The following RGL1 variants were observed in gnomAD, a reference collection of about 807,000 sequenced individuals.
RGL1 encodes the protein ral guanine nucleotide dissociation stimulator like 1.
A neutral mutation model predicts 95.2 loss-of-function variants in RGL1; 24 were observed. That is an observed-to-expected ratio of 0.25 (90% confidence interval 0.18 to 0.35). The LOEUF is 0.35. RGL1 is among the 10% of genes least tolerant of loss of function. The probability of loss-of-function intolerance (pLI) is 1.00; values close to 1 mark genes in which losing one functional copy is unlikely to be tolerated. For missense variants in RGL1, 715 were observed against 936.3 expected (o/e 0.76, Z 3.08); for synonymous variants, 329 against 344.9 (o/e 0.95, Z 0.51).
chr1:183,782,872 G>A (rs1659974231), intron 2 of RGL1, among the ~76,000 whole-genome samples: 1 of 152,084 alleles, frequency 6.6e-6, no homozygotes, highest in African/African-American at 2.4e-5. Flanking sequence ...AGACGTCCAT[G>A]TGTAGATCTC....
chr1:183,766,424 C>T (rs1658969727), intron 2 of RGL1, among the ~76,000 whole-genome samples: 3 of 151,858 alleles, frequency 2.0e-5, no homozygotes, highest in Admixed American at 1.3e-4. Context: ...TTGAGAGAAA[C>T]TCCAGTCAAT....
intron 9 of RGL1, among the ~76,000 whole-genome samples, chr1:183,896,597 C>T (rs1013061169): frequency 5.9e-5 from 9 of 152,072 alleles, no homozygotes; most frequent in Non-Finnish European, 8.8e-5. Context: ...TGGAAGGTCA[C>T]GTGCTATGGT....
chr1:183,705,002 G>T (rs533071546), intron 1 of RGL1, among the ~76,000 whole-genome samples: 1 of 152,180 alleles, frequency 6.6e-6, no homozygotes, highest in South Asian at 2.1e-4. Flanking sequence ...GGTGTAGAAG[G>T]AGAAAGGTTT....
At chr1:183,871,667 A>G (rs889120209) in intron 4 of RGL1, among the ~76,000 whole-genome samples, 3 of 152,256 alleles carry the variant, frequency 2.0e-5, no homozygotes, top group Non-Finnish European at 4.4e-5. Context: ...TTCAGAGGGT[A>G]AAAGAACTTT....
intron 1 of RGL1, among the ~76,000 whole-genome samples, chr1:183,669,937 C>T (rs1323450101): frequency 6.6e-6 from 1 of 152,138 alleles, no homozygotes; most frequent in Admixed American, 6.5e-5. Flanking sequence ...ATGGGGGTAA[C>T]CACCCCTATG....
intron 2 of RGL1, among the ~76,000 whole-genome samples, chr1:183,831,847 T>C (rs1228871670): frequency 6.6e-6 from 1 of 152,228 alleles, no homozygotes; most frequent in African/African-American, 2.4e-5. Flanking sequence ...GCGGGATACC[T>C]ATAATTAAAT....
chr1:183,762,737 A>G (rs1572382768), intron 2 of RGL1, among the ~76,000 whole-genome samples: 1 of 152,308 alleles, frequency 6.6e-6, no homozygotes, highest in East Asian at 1.9e-4. Flanking sequence ...AAGTCAAGAA[A>G]CAACAGATGC....
In RGL1 at chr1:183,884,044, A is replaced by C. The variant is rs113317252; in HGVS notation, c.735+134A>C. 7.0e-5 allele frequency: 62 copies of C among 887,448 alleles called. No individual in the cohort carries two copies. The Middle Eastern group carries it at 3.2e-3, about 46-fold the overall frequency. 55.0% of individuals were successfully genotyped at this position (887,448 alleles called of 1,614,324 possible). On this transcript the variant is annotated intron_variant, in intron 6 of 17. Coordinates refer to ENST00000360851, the MANE Select transcript of RGL1 (RefSeq NM_001297671.3). ...AATCCTTGAGACAGGCTGCGCCTGC[A>C]GATACAGAGTTAAGATGTGTCTTGA...
At position 183,882,100 on chromosome 1, in the gene RGL1, T is replaced by C. The variant is rs144049116; in HGVS notation, c.610+1300T>C. 7.1e-3 allele frequency among the ~76,000 whole-genome samples: 1,079 copies of C among 152,394 alleles called. 15 individuals are homozygous for C. Among genetic ancestry groups the C allele is most frequent in the African/African-American group, 0.022 (896 of 41,594 alleles). ...CCCATGTGCTTGTTTTACCCAATTT[T>C]ACTCCTGCGGAAGAAGCAAGCTCTC... On this transcript the variant is annotated intron_variant, in intron 5 of 17. Transcript: ENST00000360851.
At chr1:183,738,303 C>A (rs189372212) in intron 1 of RGL1, among the ~76,000 whole-genome samples, 5 of 152,202 alleles carry the variant, frequency 3.3e-5, no homozygotes, top group African/African-American at 9.6e-5. Flanking sequence ...TGCCTGTAAT[C>A]CCAGCTACTC....
intron 2 of RGL1, among the ~76,000 whole-genome samples, chr1:183,838,716 A>T (rs67939073): frequency 0.13 from 20,222 of 152,288 alleles, 1,782 homozygotes; most frequent in Middle Eastern, 0.23. Context: ...AAAATGTCTC[A>T]GCCAGTGTGA....
intron 13 of RGL1, among the ~76,000 whole-genome samples, chr1:183,905,315 C>T (rs768591018): frequency 1.3e-5 from 2 of 152,182 alleles, no homozygotes; most frequent in Non-Finnish European, 2.9e-5. Flanking sequence ...AGCGTTGTCA[C>T]CACCACCACT....
chr1:183,863,958 T>C lies in RGL1; in HGVS notation c.348-2038T>C, dbSNP rs55861288. 7.9e-3 allele frequency among the ~76,000 whole-genome samples: 1,207 copies of C among 152,324 alleles called. 12 individuals carry two copies. Among genetic ancestry groups the C allele is most frequent in the Non-Finnish European group, 0.013 (865 of 68,024 alleles). ...AATGAGAGAGAACTTGGCTCACCAG[T>C]ATAAGTTACTTAGTCTTTCTTGACA... On this transcript the variant is annotated intron_variant, in intron 3 of 17. Transcript: ENST00000360851.
chr1:183,807,027 C>A lies in RGL1; in HGVS notation c.138+542C>A, dbSNP rs571289692. Among the ~76,000 whole-genome samples, 6 of 152,288 alleles carry A rather than the reference C, an allele frequency of 3.9e-5. No individual in the cohort carries two copies. The South Asian group carries it at 8.3e-4, about 21-fold the overall frequency. On this transcript the variant is annotated intron_variant, in intron 2 of 17. Coordinates refer to ENST00000360851, the MANE Select transcript of RGL1 (RefSeq NM_001297671.3). ...GCAAATGGATGCTTAGTACCCACTACTTTGTGTGTAGAGTGGTGGGCCTTT... is the reference window on the plus strand; with the variant it reads ...GCAAATGGATGCTTAGTACCCACTAATTTGTGTGTAGAGTGGTGGGCCTTT...
At chr1:183,727,510 A>G (rs1049548087) in intron 1 of RGL1, among the ~76,000 whole-genome samples, 6 of 152,150 alleles carry the variant, frequency 3.9e-5, no homozygotes, top group Admixed American at 2.0e-4. Context: ...CTGACTTAGT[A>G]TTTAACCTGA....
chr1:183,792,216 T>C (rs1347813974), intron 2 of RGL1, among the ~76,000 whole-genome samples: 1 of 152,066 alleles, frequency 6.6e-6, no homozygotes, highest in African/African-American at 2.4e-5. Context: ...ACTTGCAACA[T>C]GCTGCCTATT....
At chr1:183,732,840 G>A (rs1266013929) in intron 1 of RGL1, among the ~76,000 whole-genome samples, 1 of 152,208 alleles carries the variant, frequency 6.6e-6, no homozygotes, top group African/African-American at 2.4e-5. Context: ...CATAGGCTGA[G>A]TTGAAAATAC....
chr1:183,638,188 A>T (rs2101967548), intron 1 of RGL1, among the ~76,000 whole-genome samples: 1 of 152,258 alleles, frequency 6.6e-6, no homozygotes. Context: ...AGCTTAAGGG[A>T]ATAGTGAAAG....
chr1:183,836,125 T>C (rs1006890239), intron 2 of RGL1, among the ~76,000 whole-genome samples: 7 of 152,244 alleles, frequency 4.6e-5, no homozygotes, highest in African/African-American at 1.7e-4. Context: ...ATCCATAATG[T>C]GCACTCAGTA....
Sources: allele counts gnomAD v4.1 joint callset (sites outside exome capture counted in the v4.1 genomes callset), GRCh38; gene constraint gnomAD v4.1.1; transcripts MANE v1.5; gene names NCBI Gene and HGNC (gene_info 2026-07-23, HGNC 2026-07-21).